The following NELL1 variants were observed in gnomAD, a reference collection of about 807,000 sequenced individuals.
The protein encoded by NELL1 is protein kinase C-binding protein NELL1.
Under a neutral mutation model 107.4 loss-of-function variants are expected in NELL1, and 76 were observed. That is an observed-to-expected ratio of 0.71 (90% CI 0.59 to 0.86). NELL1 has a LOEUF of 0.86. NELL1 is among the 40% of genes least tolerant of loss of function. The probability of loss-of-function intolerance (pLI) is 0.00; values close to 1 mark genes in which losing one functional copy is unlikely to be tolerated. For missense variants in NELL1, 1,024 were observed against 1,005.5 expected (o/e 1.02, Z -0.25); for synonymous variants, 353 against 341.2 (o/e 1.03, Z -0.38).
chr11:21,188,503 CT>C (rs1354353182), intron 13 of NELL1, among the ~76,000 whole-genome samples: 1 of 151,694 alleles, frequency 6.6e-6, no homozygotes, highest in African/African-American at 2.4e-5. Context: ...TCTCACTTTT[CT>C]TTACTCATTC....
intron 15 of NELL1, among the ~76,000 whole-genome samples, chr11:21,521,527 T>G (rs1313380501): frequency 1.3e-5 from 2 of 152,038 alleles, no homozygotes; most frequent in Admixed American, 1.3e-4. Context: ...TTGGTGATTT[T>G]TTTTGGTGTA....
chr11:21,402,905 T>C (rs758681119), intron 15 of NELL1, among the ~76,000 whole-genome samples: 2 of 151,782 alleles, frequency 1.3e-5, no homozygotes, highest in Non-Finnish European at 2.9e-5. Context: ...TCTCTTTTAA[T>C]TGGGTAACCT....
intron 15 of NELL1, among the ~76,000 whole-genome samples, chr11:21,500,632 G>A (rs1855114346): frequency 1.3e-5 from 2 of 151,986 alleles, no homozygotes. Context: ...ACGTGACATG[G>A]CTTTTTATCC....
chr11:21,367,279 C>G (rs1413992070), intron 14 of NELL1, among the ~76,000 whole-genome samples: 1 of 150,066 alleles, frequency 6.7e-6, no homozygotes, highest in African/African-American at 2.5e-5. Flanking sequence ...CACACACACA[C>G]ACACACACAC....
intron 13 of NELL1, among the ~76,000 whole-genome samples, chr11:21,162,835 G>A (rs1856402652): frequency 6.6e-6 from 1 of 152,088 alleles, no homozygotes; most frequent in Admixed American, 6.5e-5. Flanking sequence ...CACTCTTTGT[G>A]TAATTATATG....
Position 21,063,683 on chromosome 11 carries a change from G to A in NELL1, c.1301-49906G>A, listed in dbSNP as rs558723108. 5.3e-5 allele frequency among the ~76,000 whole-genome samples: 8 copies of A among 152,324 alleles called. No homozygotes were observed. In the South Asian group the frequency reaches 1.0e-3, roughly 20 times the overall value. On this transcript the variant is annotated intron_variant, in intron 12 of 19. Coordinates refer to ENST00000357134, the MANE Select transcript of NELL1 (RefSeq NM_006157.5). ...TTTGTAACACAACAGACTGAAAAGT[G>A]CAGTGTGAGAAGAGCAAAAAGACGA... is the stretch of plus-strand genomic sequence containing the variant.
chr11:21,252,985 C>A (rs1858678112), intron 14 of NELL1, among the ~76,000 whole-genome samples: 1 of 151,948 alleles, frequency 6.6e-6, no homozygotes, highest in Non-Finnish European at 1.5e-5. Context: ...CTATACTTTA[C>A]TTTGAAGTAT....
chr11:21,197,819 A>G (rs1447097879), intron 13 of NELL1, among the ~76,000 whole-genome samples: 1 of 152,182 alleles, frequency 6.6e-6, no homozygotes, highest in Non-Finnish European at 1.5e-5. Flanking sequence ...CCAGTTTCAC[A>G]AGATCTCACT....
At chr11:20,709,524 G>T (rs990673831) in intron 2 of NELL1, among the ~76,000 whole-genome samples, 1 of 152,088 alleles carries the variant, frequency 6.6e-6, no homozygotes, top group African/African-American at 2.4e-5. Context: ...GCTGCATGGA[G>T]TATTTCTTGG....
intron 5 of NELL1, among the ~76,000 whole-genome samples, chr11:20,898,168 C>G (rs1265358872): frequency 6.6e-6 from 1 of 152,088 alleles, no homozygotes; most frequent in Non-Finnish European, 1.5e-5. Flanking sequence ...TTGGAACCAC[C>G]CCAAATGTCC....
intron 5 of NELL1, among the ~76,000 whole-genome samples, chr11:20,896,456 A>C (rs1303042640): frequency 6.6e-6 from 1 of 152,136 alleles, no homozygotes; most frequent in Non-Finnish European, 1.5e-5. Context: ...TGTCTTTTTC[A>C]TATAATGACT....
At chr11:20,798,347 CT>C (rs1394556725) in intron 3 of NELL1, among the ~76,000 whole-genome samples, 1 of 152,162 alleles carries the variant, frequency 6.6e-6, no homozygotes, top group African/African-American at 2.4e-5. Flanking sequence ...ATTGCTCTTG[CT>C]TGTATATGTG....
intron 13 of NELL1, among the ~76,000 whole-genome samples, chr11:21,186,289 G>T (rs1166240829): frequency 4.0e-5 from 6 of 151,820 alleles, no homozygotes; most frequent in Non-Finnish European, 5.9e-5. Flanking sequence ...AGCATATGCA[G>T]TTCCCTGTAA....
At chr11:21,369,977 G>A (rs957068706) in intron 14 of NELL1, among the ~76,000 whole-genome samples, 4 of 152,064 alleles carry the variant, frequency 2.6e-5, no homozygotes, top group Admixed American at 1.3e-4. Flanking sequence ...ACAGTGGTGA[G>A]TAAAAACAAT....
chr11:21,165,512 A>T, intron 13 of NELL1, among the ~76,000 whole-genome samples: 1 of 152,142 alleles, frequency 6.6e-6, no homozygotes, highest in East Asian at 1.9e-4. Context: ...CTCAGTTTGG[A>T]GGTTCCTCAA....
At chr11:21,072,932 G>A (rs563760208) in intron 12 of NELL1, among the ~76,000 whole-genome samples, 8 of 152,198 alleles carry the variant, frequency 5.3e-5, no homozygotes, top group South Asian at 4.1e-4. Flanking sequence ...CTTCCTGCTC[G>A]AACACACAAC....
At chr11:20,982,717 T>C (rs1459433293) in intron 12 of NELL1, among the ~76,000 whole-genome samples, 2 of 152,262 alleles carry the variant, frequency 1.3e-5, no homozygotes, top group Admixed American at 6.5e-5. Flanking sequence ...TCTCTCCTCA[T>C]ATTAAAGACA....
At chr11:21,020,636 T>C (rs1186889506) in intron 12 of NELL1, among the ~76,000 whole-genome samples, 1 of 152,078 alleles carries the variant, frequency 6.6e-6, no homozygotes, top group Non-Finnish European at 1.5e-5. Context: ...ACATCTAAGC[T>C]GCTCTGTCTC....
At chr11:21,042,658 G>C (rs945884714) in intron 12 of NELL1, among the ~76,000 whole-genome samples, 2 of 152,056 alleles carry the variant, frequency 1.3e-5, no homozygotes, top group Admixed American at 6.6e-5. Context: ...CCTTACTGTA[G>C]CTACCTTCTT....
Sources: gnomAD v4.1 joint callset for allele counts (sites outside exome capture counted in the v4.1 genomes callset) on GRCh38, gnomAD v4.1.1 for gene constraint, MANE v1.5 for transcripts, NCBI Gene and HGNC (gene_info 2026-07-23, HGNC 2026-07-21) for gene names.